The following ZC3H3 variants were observed in gnomAD, a reference collection of about 807,000 sequenced individuals.
ZC3H3 encodes the protein zinc finger CCCH domain-containing protein 3.
In ZC3H3, 36 loss-of-function variants were observed where a neutral mutation model predicts 77.3. The ratio of observed to expected loss-of-function variants is 0.47; its 90% CI spans 0.36 to 0.61. The LOEUF is 0.61. Among genes scored for constraint, ZC3H3 ranks in the 20% least tolerant of loss-of-function variants. The pLI is 0.00. For synonymous variants in ZC3H3, 626 were observed against 555.2 expected, an observed-to-expected ratio of 1.13 and a Z score of -1.79; for missense variants, 1,331 against 1,312.2, an observed-to-expected ratio of 1.01 and a Z score of -0.22.
At position 143,514,925 on chromosome 8, in the gene ZC3H3, G is replaced by A. The variant is rs554916779; in HGVS notation, c.1562-7026C>T. ...GTCAGGCCCATGTGCGGCTAGGCCCGGCCGCCGCATCTGCTGTGGTCCTGG... is the reference window on the plus strand; with the variant it reads ...GTCAGGCCCATGTGCGGCTAGGCCCAGCCGCCGCATCTGCTGTGGTCCTGG... On this transcript the variant is annotated intron_variant, in intron 3 of 11. Transcript: ENST00000262577. 2.0e-3 allele frequency among the ~76,000 whole-genome samples: 310 copies of A among 152,336 alleles called. 1 individual carries two copies. The highest frequency in any genetic ancestry group is 3.1e-3 in the Non-Finnish European group (211 of 68,030).
At chr8:143,540,931 G>A (rs912019043) in intron 1 of ZC3H3, among the ~76,000 whole-genome samples, 5 of 151,648 alleles carry the variant, frequency 3.3e-5, no homozygotes, top group African/African-American at 1.2e-4. Flanking sequence ...ACCCCAGCCT[G>A]GGTGACAGAG....
At chr8:143,535,033 G>A (rs1039604497) in intron 3 of ZC3H3, among the ~76,000 whole-genome samples, 4 of 151,968 alleles carry the variant, frequency 2.6e-5, no homozygotes, top group African/African-American at 9.7e-5. Context: ...CCTAGATGAC[G>A]GTACGCTTGG....
At chr8:143,476,886 C>A (rs1260830094) in intron 4 of ZC3H3, among the ~76,000 whole-genome samples, 1 of 152,250 alleles carries the variant, frequency 6.6e-6, no homozygotes, top group Non-Finnish European at 1.5e-5. Flanking sequence ...GCAGGAGACC[C>A]TTTTCCAGCT....
intron 3 of ZC3H3, among the ~76,000 whole-genome samples, chr8:143,515,934 G>C (rs909074821): frequency 6.6e-6 from 1 of 152,234 alleles, no homozygotes; most frequent in Non-Finnish European, 1.5e-5. Flanking sequence ...CAGCCCCAGG[G>C]GTTACCCACA....
At position 143,464,899 on chromosome 8, in the gene ZC3H3, G is replaced by C. The variant is rs1283052513; in HGVS notation, c.2307+818C>G. On this transcript the variant is annotated intron_variant, in intron 9 of 11. Coordinates refer to ENST00000262577, the MANE Select transcript of ZC3H3 (RefSeq NM_015117.3). ...CCAGGTGCAGGAGCCCCCAGGGCGG[G>C]GAGAGAAACAGGCGTGAGAGGCTGG... 2.6e-5 allele frequency among the ~76,000 whole-genome samples: 4 copies of C among 152,302 alleles called. No individual in the cohort carries two copies. In the East Asian group the frequency reaches 7.7e-4, roughly 29 times the overall value.
chr8:143,506,544 T>C (rs557378097), intron 4 of ZC3H3, among the ~76,000 whole-genome samples: 3 of 152,326 alleles, frequency 2.0e-5, no homozygotes, highest in Admixed American at 6.5e-5. Flanking sequence ...AAATTTAACC[T>C]TATCGAGAGA....
intron 4 of ZC3H3, among the ~76,000 whole-genome samples, chr8:143,491,664 G>A (rs548437138): frequency 3.3e-5 from 5 of 152,232 alleles, no homozygotes; most frequent in African/African-American, 9.6e-5. Flanking sequence ...CTGGACTCAC[G>A]GGTCCCTCTG....
intron 4 of ZC3H3, chr8:143,485,020 C>T (rs1396338429): frequency 3.5e-6 from 1 of 289,022 alleles, no homozygotes; most frequent in African/African-American, 2.2e-5. Context: ...GATTATGAAG[C>T]AAAGATGTGT....
chr8:143,443,238 T>C (rs1358847535), intron 9 of ZC3H3, among the ~76,000 whole-genome samples: 3 of 145,756 alleles, frequency 2.1e-5, no homozygotes, highest in Non-Finnish European at 4.5e-5. Context: ...TGAGCCAAGA[T>C]TGCACCACTG....
At chr8:143,472,607 C>G (rs1487834044) in intron 5 of ZC3H3, among the ~76,000 whole-genome samples, 1 of 152,212 alleles carries the variant, frequency 6.6e-6, no homozygotes, top group Non-Finnish European at 1.5e-5. Flanking sequence ...AAACCTGCTG[C>G]CTGCCACAGG....
chr8:143,456,416 C>T (rs1820124003), intron 9 of ZC3H3, among the ~76,000 whole-genome samples: 1 of 151,986 alleles, frequency 6.6e-6, no homozygotes. Flanking sequence ...AAGAAAGTCA[C>T]TTCAAATATG....
intron 4 of ZC3H3, among the ~76,000 whole-genome samples, chr8:143,492,110 G>A (rs1322204712): frequency 6.6e-6 from 1 of 152,212 alleles, no homozygotes; most frequent in Non-Finnish European, 1.5e-5. Context: ...GGAGAAACAA[G>A]AAGGAAAAGA....
Position 143,462,912 on chromosome 8 carries a change from G to A in ZC3H3, c.2307+2805C>T, listed in dbSNP as rs1471727050. Among the ~76,000 whole-genome samples, 2 of 150,874 alleles carry A rather than the reference G, an allele frequency of 1.3e-5. No homozygotes were observed. Among genetic ancestry groups the A allele is most frequent in the African/African-American group, 4.9e-5 (2 of 41,002 alleles). On this transcript the variant is annotated intron_variant, in intron 9 of 11. Transcript: ENST00000262577. The surrounding 1 kb of genome is among the most constrained non-coding windows in gnomAD (Gnocchi z 4.7). ...AGACCCTGAGTCCTAAACACACCCAGAAGGAACCAGGGCGCCCTGCAGGAG... is the reference window on the plus strand; with the variant it reads ...AGACCCTGAGTCCTAAACACACCCAAAAGGAACCAGGGCGCCCTGCAGGAG...
Position 143,538,425 on chromosome 8 carries a change from C to T in ZC3H3, c.942G>A (p.Val314=), listed in dbSNP as rs1452494389. Residue 314 remains valine, a synonymous_variant, in exon 2 of 12, where the codon GTG becomes GTA. Transcript: ENST00000262577. ...CCCGGGGACTCTTCGAGGAGGCAGC[C>T]ACCCATTTGTAGTTGTTTTTCCGGA... ...NKFRKNNYKW[V]AASSKSPRVA... 2.5e-6 allele frequency: 4 copies of T among 1,613,112 alleles called. No homozygotes were observed. In the African/African-American group the frequency reaches 5.3e-5, roughly 22 times the overall value.
At chr8:143,513,072 G>A (rs1821923365) in intron 3 of ZC3H3, among the ~76,000 whole-genome samples, 2 of 152,048 alleles carry the variant, frequency 1.3e-5, no homozygotes, top group South Asian at 4.1e-4. Context: ...TCGGGGCGGG[G>A]GGCGTGGGAG....
intron 9 of ZC3H3, among the ~76,000 whole-genome samples, chr8:143,448,056 C>T (rs889048144): frequency 1.3e-5 from 2 of 152,016 alleles, no homozygotes; most frequent in African/African-American, 2.4e-5. Flanking sequence ...ACCCGAGAGG[C>T]GGGGGGTTGC....
chr8:143,483,165 C>T (rs1309563078), intron 4 of ZC3H3, among the ~76,000 whole-genome samples: 2 of 152,244 alleles, frequency 1.3e-5, no homozygotes, highest in African/African-American at 2.4e-5. Context: ...GGCGCCGCAG[C>T]GAATCCCCAA....
At chr8:143,479,604 C>T (rs570751037) in intron 4 of ZC3H3, among the ~76,000 whole-genome samples, 107 of 152,282 alleles carry the variant, frequency 7.0e-4, no homozygotes, top group African/African-American at 2.4e-3. Flanking sequence ...TCTTCTTTCT[C>T]GCCTTTGTAA....
intron 4 of ZC3H3, among the ~76,000 whole-genome samples, chr8:143,480,071 C>A (rs779205169): frequency 3.9e-5 from 6 of 152,204 alleles, no homozygotes; most frequent in Admixed American, 6.5e-5. Context: ...GTGCTGCCAG[C>A]CTCGCTAGGC....
Sources: allele counts gnomAD v4.1 joint callset (sites outside exome capture counted in the v4.1 genomes callset), GRCh38; gene constraint gnomAD v4.1.1; non-coding constraint Gnocchi (gnomAD v3.1); transcripts MANE v1.5; gene names NCBI Gene and HGNC (gene_info 2026-07-23, HGNC 2026-07-21).